GPANK1: variants seen among roughly 807,000 people sequenced by gnomAD.
GPANK1 encodes G-patch domain and ankyrin repeats 1.
Under a neutral mutation model 24.0 loss-of-function variants are expected in GPANK1, and 22 were observed. The ratio of observed to expected loss-of-function variants is 0.92; its 90% CI spans 0.66 to 1.31. GPANK1 has a LOEUF of 1.31. Ranked by LOEUF, GPANK1 falls within the 50% of genes most tolerant of loss-of-function variation. The pLI is 0.00. For synonymous variants in GPANK1, 174 were observed against 177.4 expected, an observed-to-expected ratio of 0.98 and a Z score of 0.15; for missense variants, 469 against 453.5, an observed-to-expected ratio of 1.03 and a Z score of -0.31.
In GPANK1 at chr6:31,663,871, G is replaced by A; in HGVS notation, c.608C>T (p.Thr203Ile). Residue 203 changes from threonine (T) to isoleucine (I), a missense_variant, in exon 2 of 3, where the codon ACA becomes ATA. Thr to Ile is a moderately conservative substitution (Grantham distance 89, BLOSUM62 -1). Transcript: ENST00000375896. ...ARMVRESHGE[T>I]RSPENRSPTP... ...CCCTTACCGGTTTTCCGGGCTCCTTGTCTCTCCATGGCTCTCCCTGACCAT... is the reference window on the plus strand; with the variant it reads ...CCCTTACCGGTTTTCCGGGCTCCTTATCTCTCCATGGCTCTCCCTGACCAT... 8 of 1,561,782 alleles carry A rather than the reference G, an allele frequency of 5.1e-6. No individual in the cohort carries two copies. The highest frequency in any genetic ancestry group is 6.9e-6 in the Non-Finnish European group (8 of 1,154,948).
At chr6:31,664,773 C>G (rs1483131690) in intron 1 of GPANK1, 68 bp downstream of exon 1, 1 of 436,026 alleles carries the variant, frequency 2.3e-6, no homozygotes, top group African/African-American at 2.0e-5. Flanking sequence ...CCGGCCCCCA[C>G]CCCCATCCTC....
At chr6:31,666,074 C>T (rs989296940), upstream of GPANK1, 3 of 993,370 alleles carry the variant, frequency 3.0e-6, no homozygotes, top group African/African-American at 5.2e-5. Context: ...CTTCCCCACC[C>T]TCCCTAATTT....
chr6:31,666,274 C>T (rs1801684877), upstream of GPANK1: 1 of 832,010 alleles, frequency 1.2e-6, no homozygotes. Flanking sequence ...GGTCTCCGGA[C>T]TTTGATGTGG....
At chr6:31,665,740 G>T, upstream of GPANK1, 1 of 896,644 alleles carries the variant, frequency 1.1e-6, no homozygotes, top group Non-Finnish European at 1.6e-6. Flanking sequence ...AGAGGGGAAC[G>T]TGAGGAGAGC....
chr6:31,663,961 C>A lies in GPANK1; in HGVS notation c.518G>T (p.Cys173Phe). ...AGCCGCATCCCTGCCACTCAGCTCACAGACCCCCACCCAGGCAGCCCCACG... is the reference window on the plus strand; with the variant it reads ...AGCCGCATCCCTGCCACTCAGCTCAAAGACCCCCACCCAGGCAGCCCCACG... The part of the protein sequence containing the change: ...LGRGAAWVGV[C>F]ELSGRDAAQL... Residue 173 changes from cysteine (C) to phenylalanine (F), a missense_variant, in exon 2 of 3, where the codon TGT (cysteine) becomes TTT (phenylalanine). Physicochemically the swap from Cys to Phe is radical, Grantham distance 205. Coordinates refer to ENST00000375896, the MANE Select transcript of GPANK1 (RefSeq NM_033177.4). The A allele has an allele frequency of 6.2e-7, 1 of 1,614,138 alleles. No individual in the cohort carries two copies. The highest frequency in any genetic ancestry group is 8.5e-7 in the Non-Finnish European group (1 of 1,180,026).
rs1255936452 is a variant in GPANK1 at position 31,661,822 on chromosome 6, A to G, written c.*444T>C. 3 of 174,322 alleles carry G rather than the reference A, an allele frequency of 1.7e-5. No homozygotes were observed. Among genetic ancestry groups the G allele is most frequent in the Non-Finnish European group, 3.6e-5 (3 of 83,614 alleles). The allele number at this position is 174,322 out of a possible 1,614,324, so 10.8% of individuals were successfully genotyped here. Reference sequence around the variant, plus strand: ...TAGTATATGGACTTATGTTTGTGAAATCAGTGAATTGGCTGTAGTCAGGGA... The same window carrying G: ...TAGTATATGGACTTATGTTTGTGAAGTCAGTGAATTGGCTGTAGTCAGGGA... On this transcript the variant is annotated 3_prime_UTR_variant, in exon 3 of 3. Coordinates refer to ENST00000375896, the MANE Select transcript of GPANK1 (RefSeq NM_033177.4).
Position 31,662,580 on chromosome 6 carries a change from C to G in GPANK1, c.757G>C (p.Val253Leu). The change falls in exon 3 of 3, where the codon GTG (valine) becomes CTG (leucine). Residue 253 changes from valine (V) to leucine (L), a missense_variant. Transcript: ENST00000375896. This position sits in a 1 kb window ranked among gnomAD's most constrained non-coding sequence, Gnocchi z 5.5. ...GPQPPNLPLG[V>L]PISSPGFKLL... ...TTGAAGCCCGGGCTGGAGATGGGCA[C>G]CCCAAGTGGAAGGTTGGGAGGCTGA... The G allele has an allele frequency of 6.2e-7, 1 of 1,612,920 alleles. No homozygotes were observed. The highest frequency in any genetic ancestry group is 8.5e-7 in the Non-Finnish European group (1 of 1,179,960).
Position 31,662,229 on chromosome 6 carries a change from G to T in GPANK1, c.*37C>A. ...GGCCCAGGTCAGAGGCCCAAGTTCAGACTTCAGCAGCAGACTAGGGTCAGA... is the reference window on the plus strand; with the variant it reads ...GGCCCAGGTCAGAGGCCCAAGTTCATACTTCAGCAGCAGACTAGGGTCAGA... On this transcript the variant is annotated 3_prime_UTR_variant, in exon 3 of 3. Transcript: ENST00000375896. The surrounding 1 kb of genome is among the most constrained non-coding windows in gnomAD (Gnocchi z 5.5). 7.1e-7 allele frequency: 1 copy of T among 1,411,912 alleles called. No individual in the cohort carries two copies. The highest frequency in any genetic ancestry group is 9.6e-7 in the Non-Finnish European group (1 of 1,040,516). The allele number at this position is 1,411,912 out of a possible 1,614,324, so 87.5% of individuals were successfully genotyped here.
At chr6:31,663,767 A>G in intron 2 of GPANK1, 86 bp downstream of exon 2, 1 of 1,507,042 alleles carries the variant, frequency 6.6e-7, no homozygotes, top group Non-Finnish European at 8.9e-7. Context: ...AGAACTCTTC[A>G]GCACTGTGCT....
Position 31,664,021 on chromosome 6 carries a change from G to A in GPANK1, c.458C>T (p.Ala153Val), listed in dbSNP as rs749493265. The A allele has an allele frequency of 3.7e-6, 6 of 1,614,168 alleles. No individual in the cohort carries two copies. The highest frequency in any genetic ancestry group is 2.2e-5 in the South Asian group (2 of 91,088). Residue 153 changes from alanine to valine, a missense_variant, in exon 2 of 3, where the codon GCG becomes GTG. By Grantham distance (64) the Ala-to-Val change is moderately conservative (BLOSUM62 0). Transcript: ENST00000375896. The stretch of plus-strand genomic sequence containing the variant: ...ATAGCTCACAGCTGCCCCCTGGCCC[G>A]CTCGAGCAGCACACATCAGTGGGGT... ...WWTPLMCAAR[A>V]GQGAAVSYLL...
At chr6:31,664,696 A>G in intron 1 of GPANK1, 119 bp from the exon 2 acceptor site, 1 of 571,944 alleles carries the variant, frequency 1.7e-6, no homozygotes, top group South Asian at 2.4e-5. Flanking sequence ...GAACCCTACA[A>G]TACCGACTTT....
rs998827689 is a variant in GPANK1, at chr6:31,664,338, C to A, written c.141G>T (p.Leu47=). Residue 47 remains leucine (L), a synonymous_variant, in exon 2 of 3, where the codon CTG becomes CTT. Transcript: ENST00000375896. ...GAAARAFYEA[L]IGDESSAPDS... is the part of the protein sequence containing the mutation. The stretch of plus-strand genomic sequence containing the variant: ...CAGGAGCGCTGCTCTCATCCCCAAT[C>A]AGGGCCTCATAGAAAGCTCGGGCTG... The A allele has an allele frequency of 1.1e-5, 18 of 1,614,212 alleles. No homozygotes were observed. The highest frequency in any genetic ancestry group is 1.5e-5 in the Non-Finnish European group (18 of 1,180,032).
At position 31,664,311 on chromosome 6, in the gene GPANK1, G is replaced by C. The variant is rs35499542; in HGVS notation, c.168C>G (p.Asp56Glu). The C allele has an allele frequency of 2.2e-3, 3,570 of 1,614,130 alleles. 25 individuals are homozygous for C. Among genetic ancestry groups the C allele is most frequent in the African/African-American group, 0.017 (1,258 of 75,006 alleles). ...CAGGTTCAGTCTGAGATCTCTGGGA[G>C]TCAGGAGCGCTGCTCTCATCCCCAA... ...ALIGDESSAP[D>E]SQRSQTEPAR... The change falls in exon 2 of 3, where the codon GAC (aspartate) becomes GAG (glutamate). Residue 56 changes from aspartate to glutamate, a missense_variant. Transcript: ENST00000375896.
At position 31,662,146 on chromosome 6, in the gene GPANK1, A is replaced by G. The variant is rs1255670580; in HGVS notation, c.*120T>C. On this transcript the variant is annotated 3_prime_UTR_variant, in exon 3 of 3. Coordinates refer to ENST00000375896, the MANE Select transcript of GPANK1 (RefSeq NM_033177.4). This position sits in a 1 kb window ranked among gnomAD's most constrained non-coding sequence, Gnocchi z 5.5. ...CCCGTCTCTCACGAAGACAGAGCCTATTGACCAAAAACTTCAGGATCTGCA... is the reference window on the plus strand; with the variant it reads ...CCCGTCTCTCACGAAGACAGAGCCTGTTGACCAAAAACTTCAGGATCTGCA... 8.5e-6 allele frequency: 5 copies of G among 588,784 alleles called. No homozygotes were observed. The highest frequency in any genetic ancestry group is 5.6e-5 in the South Asian group (2 of 35,790). The allele number at this position is 588,784 out of a possible 1,614,324, so 36.5% of individuals were successfully genotyped here. A position where few individuals can be genotyped will look rare whatever the true frequency, so the allele number is the denominator to read the frequency against.
upstream of GPANK1, chr6:31,666,190 C>T (rs1274067063): frequency 1.0e-6 from 1 of 993,070 alleles, no homozygotes; most frequent in Non-Finnish European, 1.2e-6. Context: ...CCACCCCAGT[C>T]CTGGTCCCCG....
chr6:31,663,625 A>G (rs1801199089), intron 2 of GPANK1, among the ~76,000 whole-genome samples: 1 of 152,226 alleles, frequency 6.6e-6, no homozygotes, highest in African/African-American at 2.4e-5. Context: ...CATTTCTAAG[A>G]TGAGAAAACT....
At chr6:31,666,001 C>A, upstream of GPANK1, 1 of 1,003,692 alleles carries the variant, frequency 1.0e-6, no homozygotes, top group Non-Finnish European at 1.2e-6. Context: ...TCTTTCTCTA[C>A]CGGGGACTCC....
At chr6:31,663,718 A>T in intron 2 of GPANK1, 135 bp downstream of exon 2, 1 of 1,325,754 alleles carries the variant, frequency 7.5e-7, no homozygotes, top group Non-Finnish European at 9.9e-7. Context: ...TAACCACTTG[A>T]CTATACTACC....
chr6:31,666,122 T>C, upstream of GPANK1: 1 of 993,338 alleles, frequency 1.0e-6, no homozygotes, highest in Non-Finnish European at 1.2e-6. Context: ...CGCGGTCGGG[T>C]CCGCGGCCTG....
Sources: gnomAD v4.1 joint callset for allele counts (sites outside exome capture counted in the v4.1 genomes callset) on GRCh38, gnomAD v4.1.1 for gene constraint, Gnocchi (gnomAD v3.1) non-coding constraint, MANE v1.5 for transcripts, NCBI Gene and HGNC (gene_info 2026-07-23, HGNC 2026-07-21) for gene names.